The following COL5A3 variants were observed in gnomAD, a reference collection of about 807,000 sequenced individuals.
COL5A3 encodes the protein collagen type V alpha 3 chain, also known as collagen alpha-3(V) chain.
In COL5A3, 172 loss-of-function variants were observed where a neutral mutation model predicts 250.0. The ratio of observed to expected loss-of-function variants is 0.69; its 90% CI spans 0.61 to 0.78. COL5A3 has a LOEUF of 0.78. COL5A3 is among the 30% of genes least tolerant of loss of function. The pLI is 0.00. For missense variants in COL5A3, 2,340 were observed against 2,334.4 expected (o/e 1.00, Z -0.05); for synonymous variants, 937 against 900.4 (o/e 1.04, Z -0.73).
At chr19:9,991,937 T>C in intron 22 of COL5A3, 67 bp downstream of exon 22, 1 of 1,566,314 alleles carries the variant, frequency 6.4e-7, no homozygotes. Flanking sequence ...TGGAAGGGAA[T>C]AGGGATGTGG....
chr19:10,006,996 T>C (rs114889808), intron 1 of COL5A3, among the ~76,000 whole-genome samples: 151 of 151,350 alleles, frequency 1.0e-3, no homozygotes, highest in African/African-American at 3.6e-3. Flanking sequence ...ACCTCCTCCC[T>C]CTGAATGTCT....
intron 64 of COL5A3, among the ~76,000 whole-genome samples, chr19:9,965,162 T>C (rs2086724142): frequency 6.7e-6 from 1 of 148,268 alleles, no homozygotes; most frequent in African/African-American, 2.4e-5. Flanking sequence ...TTTTCTTTTT[T>C]TTTTTTTTTT....
chr19:10,001,060 G>A (rs1172484248), intron 8 of COL5A3, among the ~76,000 whole-genome samples: 1 of 151,960 alleles, frequency 6.6e-6, no homozygotes, highest in Non-Finnish European at 1.5e-5. Context: ...GCTTACCTAT[G>A]TAACAAGCCT....
rs886525451 is a variant in COL5A3, at chr19:10,009,503, C to G, written c.88+795G>C. On this transcript the variant is annotated intron_variant, in intron 1 of 66. Coordinates refer to ENST00000264828, the MANE Select transcript of COL5A3 (RefSeq NM_015719.4). The surrounding 1 kb of genome is among the most constrained non-coding windows in gnomAD (Gnocchi z 4.4). Reference sequence around the variant, plus strand: ...GCAGCTGGGGTGGGGAGGGGGGGAGCAACTTCCACTCCTGCCCCGCCCTGC... The same window carrying G: ...GCAGCTGGGGTGGGGAGGGGGGGAGGAACTTCCACTCCTGCCCCGCCCTGC... Among the ~76,000 whole-genome samples, 2 of 151,970 alleles carry G rather than the reference C, an allele frequency of 1.3e-5. No homozygotes were observed. Among genetic ancestry groups the G allele is most frequent in the Admixed American group, 1.3e-4 (2 of 15,274 alleles).
intron 11 of COL5A3, 90 bp from the exon 12 acceptor site, chr19:9,996,779 A>AAG (rs139398421): frequency 0.17 from 142,941 of 851,074 alleles, 10,292 homozygotes; most frequent in African/African-American, 0.24. Flanking sequence ...ATGAGTCAGA[A>AAG]AGAGAGAGAG....
chr19:9,980,865 C>G lies in COL5A3; in HGVS notation c.2506-6G>C, dbSNP rs750963381. On this transcript the variant is annotated splice_polypyrimidine_tract_variant and splice_region_variant and intron_variant, in intron 33 of 66. Coordinates refer to ENST00000264828, the MANE Select transcript of COL5A3 (RefSeq NM_015719.4). The stretch of plus-strand genomic sequence containing the variant: ...CCCCTCTCTCCACGGGAACCCTGAA[C>G]AAAAAAAAAAGGCAAAGATCAGATA... 6 of 1,360,810 alleles carry G rather than the reference C, an allele frequency of 4.4e-6. No individual in the cohort carries two copies. The Admixed American group carries it at 1.1e-4, about 25-fold the overall frequency. The allele number at this position is 1,360,810 out of a possible 1,614,324, so 84.3% of individuals were successfully genotyped here. A position where few individuals can be genotyped will look rare whatever the true frequency, so the allele number is the denominator to read the frequency against.
At chr19:9,989,428 C>A in intron 25 of COL5A3, 41 bp downstream of exon 25, 1 of 1,613,764 alleles carries the variant, frequency 6.2e-7, no homozygotes, top group Non-Finnish European at 8.5e-7. Flanking sequence ...TCCCAAGGCT[C>A]CCCTTTCTCC....
At position 10,003,628 on chromosome 19, in the gene COL5A3, C is replaced by T. The variant is rs2087394917; in HGVS notation, c.786G>A (p.Lys262=). 13 of 1,614,176 alleles carry T rather than the reference C, an allele frequency of 8.1e-6. No individual in the cohort carries two copies. Among genetic ancestry groups the T allele is most frequent in the South Asian group, 1.1e-5 (1 of 91,080 alleles). The change falls in exon 6 of 67, where the codon AAG becomes AAA. Residue 262 remains lysine, a synonymous_variant. Coordinates refer to ENST00000264828, the MANE Select transcript of COL5A3 (RefSeq NM_015719.4). ...AAATTTCCTTGTTCTTTTTCCTGCC[C>T]TTCCCCTTGCGACCTCGCCCTTTCT... is the stretch of plus-strand genomic sequence containing the variant. ...GRKKGRGRKG[K]GRKKNKEIWT... is the part of the protein sequence containing the mutation.
intron 33 of COL5A3, 48 bp downstream of exon 33, chr19:9,981,040 C>T (rs777331418): frequency 1.6e-5 from 25 of 1,594,454 alleles, no homozygotes; most frequent in Non-Finnish European, 2.2e-5. Flanking sequence ...CCTTCCCAGC[C>T]CTGTCCCCAA....
At position 9,980,702 on chromosome 19, in the gene COL5A3, A is replaced by G; in HGVS notation, c.2560-10T>C. 6.2e-7 allele frequency: 1 copy of G among 1,614,034 alleles called. No individual in the cohort carries two copies. Among genetic ancestry groups the G allele is most frequent in the East Asian group, 2.2e-5 (1 of 44,868 alleles). ...CCTGGCCCACATCGCCCTAGGACAGAGTGAATGAGACTCAGGCCCCAGAAC... is the reference window on the plus strand; with the variant it reads ...CCTGGCCCACATCGCCCTAGGACAGGGTGAATGAGACTCAGGCCCCAGAAC... On this transcript the variant is annotated splice_polypyrimidine_tract_variant and intron_variant, in intron 34 of 66. Coordinates refer to ENST00000264828, the MANE Select transcript of COL5A3 (RefSeq NM_015719.4).
In COL5A3 at chr19:9,973,810, C is replaced by G. The variant is rs1323968442; in HGVS notation, c.3559-1G>C. ...CTCCTCCAGGCAGCCCTGGAGTGCC[C>G]TGGAGAGACAGCAAGGGGTAAGAGT... On this transcript the variant is annotated splice_acceptor_variant, in intron 48 of 66. Transcript: ENST00000264828. LOFTEE classifies it high-confidence loss of function. The G allele has an allele frequency of 6.2e-7, 1 of 1,614,032 alleles. No homozygotes were observed. Among genetic ancestry groups the G allele is most frequent in the South Asian group, 1.1e-5 (1 of 91,088 alleles).
intron 35 of COL5A3, among the ~76,000 whole-genome samples, chr19:9,980,358 GC>G (rs533531668): frequency 1.2e-3 from 180 of 152,234 alleles, no homozygotes; most frequent in African/African-American, 4.2e-3. Context: ...CACAGGCTGT[GC>G]TCCTTCTTTT....
intron 1 of COL5A3, 56 bp downstream of exon 1, chr19:10,010,242 T>G: frequency 1.9e-5 from 21 of 1,128,234 alleles, no homozygotes; most frequent in Non-Finnish European, 2.3e-5. Context: ...CCCTCGCTCT[T>G]TTAGAGCCTC....
chr19:9,974,277 C>A (rs1161869609), intron 46 of COL5A3, 24 bp downstream of exon 46: 2 of 1,609,662 alleles, frequency 1.2e-6, no homozygotes, highest in Non-Finnish European at 1.7e-6. Flanking sequence ...ATCAGAAGTG[C>A]CACCCCCAAA....
chr19:9,975,302 A>G lies in COL5A3; in HGVS notation c.3343-894T>C, dbSNP rs751077336. On this transcript the variant is annotated intron_variant, in intron 45 of 66. Coordinates refer to ENST00000264828, the MANE Select transcript of COL5A3 (RefSeq NM_015719.4). ...ACCATTTTGGCCAGGCTGATATTGA[A>G]CTCCTGACCTCAGGTGATCCACCCG... Among the ~76,000 whole-genome samples the G allele has an allele frequency of 3.9e-4, 59 of 151,444 alleles. 1 individual carries two copies. The highest frequency in any genetic ancestry group is 8.8e-5 in the Non-Finnish European group (6 of 67,888).
rs776036908 is a variant in COL5A3, at chr19:9,993,028, C to G, written c.1789G>C (p.Glu597Gln). 1.9e-6 allele frequency: 3 copies of G among 1,613,742 alleles called. No homozygotes were observed. In the South Asian group the frequency reaches 3.3e-5, roughly 18 times the overall value. The part of the protein sequence containing the change: ...GPPGPTGQAG[E>Q]PGPRGLLGPR... ...CAGGGATCCCTGATACTCACCGGCT[C>G]CCCAGCCTGGCCAGTGGGCCCTGGA... Residue 597 changes from glutamate to glutamine, a missense_variant, in exon 20 of 67, where the codon GAG becomes CAG. Around this residue, in one of 3 missense-constraint regions of COL5A3, gnomAD observed 1,152 missense variants for 1,146.3 expected, o/e 1.00. Coordinates refer to ENST00000264828, the MANE Select transcript of COL5A3 (RefSeq NM_015719.4).
intron 56 of COL5A3, 63 bp from the exon 57 acceptor site, chr19:9,969,465 C>T: frequency 1.3e-6 from 2 of 1,590,148 alleles, no homozygotes; most frequent in South Asian, 1.1e-5. Context: ...GGACCCCCCC[C>T]CGACCATGCA....
intron 6 of COL5A3, among the ~76,000 whole-genome samples, chr19:10,002,682 C>T (rs544846902): frequency 2.0e-4 from 31 of 152,174 alleles, no homozygotes; most frequent in African/African-American, 7.5e-4. Context: ...CATCGGTGAC[C>T]CCTAATCAAT....
chr19:9,970,035 G>C (rs1197623894), intron 54 of COL5A3, 113 bp from the exon 55 acceptor site: 1 of 557,478 alleles, frequency 1.8e-6, no homozygotes, highest in Admixed American at 2.5e-5. Context: ...AAGGTGAGTG[G>C]GGTCTGTGGG....
Sources: gnomAD v4.1 joint callset for allele counts (sites outside exome capture counted in the v4.1 genomes callset) on GRCh38, gnomAD v4.1.1 for gene constraint, gnomAD v4.1.1 regional missense constraint, Gnocchi (gnomAD v3.1) non-coding constraint, MANE v1.5 for transcripts, NCBI Gene and HGNC (gene_info 2026-07-23, HGNC 2026-07-21) for gene names.